The following CMIP variants were observed in gnomAD, a reference collection of about 807,000 sequenced individuals.
The protein encoded by CMIP is c-Maf inducing protein.
A neutral mutation model predicts 97.3 loss-of-function variants in CMIP; 13 were observed. That is an observed-to-expected ratio of 0.13 (90% CI 0.09 to 0.21). The LOEUF is 0.21. Among genes scored for constraint, CMIP ranks in the 10% least tolerant of loss-of-function variants. The probability of loss-of-function intolerance (pLI) is 1.00; values close to 1 mark genes in which losing one functional copy is unlikely to be tolerated. For missense variants in CMIP, 847 were observed against 1,024.9 expected (o/e 0.83, Z 2.37); for synonymous variants, 538 against 436.3 (o/e 1.23, Z -2.91).
At chr16:81,538,800 C>T (rs931318078) in intron 1 of CMIP, among the ~76,000 whole-genome samples, 6 of 151,838 alleles carry the variant, frequency 4.0e-5, no homozygotes, top group South Asian at 2.1e-4. Flanking sequence ...ATGATCTTCT[C>T]GGGCAATAAT....
In CMIP at chr16:81,620,866, G is replaced by C. The variant is rs1284859183; in HGVS notation, c.427-10G>C. 9.9e-6 allele frequency: 16 copies of C among 1,613,826 alleles called. No individual in the cohort carries two copies. The highest frequency in any genetic ancestry group is 1.4e-5 in the Non-Finnish European group (16 of 1,179,868). ...GACCGGACCTTGCTGTCCTGTTCTTGTCGTTACAGGCTGCCAATAGCTACC... is the reference window on the plus strand; with the variant it reads ...GACCGGACCTTGCTGTCCTGTTCTTCTCGTTACAGGCTGCCAATAGCTACC... On this transcript the variant is annotated splice_polypyrimidine_tract_variant and intron_variant, in intron 2 of 20. Transcript: ENST00000537098.
chr16:81,688,826 A>T (rs1292124897), intron 10 of CMIP, among the ~76,000 whole-genome samples: 1 of 152,112 alleles, frequency 6.6e-6, no homozygotes, highest in Non-Finnish European at 1.5e-5. Context: ...ACCCCACAAC[A>T]GGCCCCGGTG....
At chr16:81,685,532 T>TA (rs974435162) in intron 10 of CMIP, among the ~76,000 whole-genome samples, 25 of 150,970 alleles carry the variant, frequency 1.7e-4, no homozygotes, top group South Asian at 4.2e-4. Flanking sequence ...ATTTTTAAAG[T>TA]AAAAAAAAAC....
chr16:81,515,345 C>T (rs779661738), intron 1 of CMIP, among the ~76,000 whole-genome samples: 1 of 152,188 alleles, frequency 6.6e-6, no homozygotes, highest in Admixed American at 6.5e-5. Context: ...GTTGTGGTCC[C>T]TCACGCTTCT....
At chr16:81,709,146 A>G (rs1282839129) in intron 20 of CMIP, among the ~76,000 whole-genome samples, 1 of 152,222 alleles carries the variant, frequency 6.6e-6, no homozygotes, top group Non-Finnish European at 1.5e-5. Flanking sequence ...CGAGTAATGC[A>G]TCCAGCCTAG....
At chr16:81,500,697 C>G (rs1029978063) in intron 1 of CMIP, among the ~76,000 whole-genome samples, 3 of 151,912 alleles carry the variant, frequency 2.0e-5, no homozygotes, top group African/African-American at 7.3e-5. Context: ...CCATATTGGC[C>G]AGGCTGATCT....
chr16:81,481,085 C>G (rs1908232353), intron 1 of CMIP, among the ~76,000 whole-genome samples: 1 of 152,230 alleles, frequency 6.6e-6, no homozygotes, highest in South Asian at 2.1e-4. Flanking sequence ...CTCAGCTGCA[C>G]ATGGTTTGTC....
intron 1 of CMIP, among the ~76,000 whole-genome samples, chr16:81,527,369 G>GA (rs150954293): frequency 0.039 from 5,979 of 152,180 alleles, 175 homozygotes; most frequent in African/African-American, 0.081. Flanking sequence ...CTAGATACCA[G>GA]AAAAAAACAC....
intron 1 of CMIP, among the ~76,000 whole-genome samples, chr16:81,524,573 A>C (rs1292095152): frequency 1.3e-5 from 2 of 152,238 alleles, no homozygotes; most frequent in Non-Finnish European, 2.9e-5. Context: ...AAGGTATGGC[A>C]GCTGCAGCCA....
intron 1 of CMIP, among the ~76,000 whole-genome samples, chr16:81,493,646 G>A (rs1189593501): frequency 1.3e-5 from 2 of 152,190 alleles, no homozygotes; most frequent in African/African-American, 2.4e-5. Flanking sequence ...CCCACTCTCC[G>A]CATGGGAAAA....
At chr16:81,509,768 C>T (rs955007597) in intron 1 of CMIP, among the ~76,000 whole-genome samples, 1 of 152,166 alleles carries the variant, frequency 6.6e-6, no homozygotes, top group African/African-American at 2.4e-5. Context: ...AGCTGCACAT[C>T]CTTGGGGCTG....
intron 1 of CMIP, among the ~76,000 whole-genome samples, chr16:81,568,770 G>T (rs570912939): frequency 6.6e-6 from 1 of 152,214 alleles, no homozygotes; most frequent in Admixed American, 6.5e-5. Flanking sequence ...ACCCTTGAGC[G>T]TGGAAAAGCA....
At chr16:81,521,607 G>A (rs887358696) in intron 1 of CMIP, among the ~76,000 whole-genome samples, 4 of 152,158 alleles carry the variant, frequency 2.6e-5, no homozygotes, top group East Asian at 1.9e-4. Context: ...CTAGCAGGTC[G>A]AGTCTGTGCG....
chr16:81,663,527 C>T (rs1329600900), intron 6 of CMIP, among the ~76,000 whole-genome samples: 1 of 152,050 alleles, frequency 6.6e-6, no homozygotes, highest in Non-Finnish European at 1.5e-5. Context: ...GGGCGTGAAA[C>T]GACTTCCTAT....
intron 1 of CMIP, among the ~76,000 whole-genome samples, chr16:81,513,414 A>T (rs924937417): frequency 6.6e-6 from 1 of 152,222 alleles, no homozygotes. Context: ...CTGTTGAGTG[A>T]ATGACAGGAC....
chr16:81,614,246 C>G lies in CMIP; in HGVS notation c.426+6554C>G, dbSNP rs758767459. Among the ~76,000 whole-genome samples the G allele has an allele frequency of 7.9e-5, 12 of 152,312 alleles. No homozygotes were observed. The Middle Eastern group carries it at 0.017, about 216-fold the overall frequency. On this transcript the variant is annotated intron_variant, in intron 2 of 20. Coordinates refer to ENST00000537098, the MANE Select transcript of CMIP (RefSeq NM_198390.3). The surrounding 1 kb of genome is among the most constrained non-coding windows in gnomAD (Gnocchi z 5.3). ...GAAGCCAGTCTGAGAGCAGGGCAGG[C>G]CAGGTGCTGCCACAGTCACCAGCGA...
chr16:81,489,676 G>GC (rs2089375031), intron 1 of CMIP, among the ~76,000 whole-genome samples: 1 of 152,176 alleles, frequency 6.6e-6, no homozygotes, highest in Admixed American at 6.5e-5. Flanking sequence ...GTTTTATGGA[G>GC]CCCCCCTCCC....
chr16:81,602,642 A>G (rs2091677180), intron 1 of CMIP, among the ~76,000 whole-genome samples: 1 of 152,092 alleles, frequency 6.6e-6, no homozygotes, highest in South Asian at 2.1e-4. Context: ...AGTTTTGTTT[A>G]TTTCAGGATG....
chr16:81,522,695 C>T (rs377549623), intron 1 of CMIP, among the ~76,000 whole-genome samples: 11 of 152,108 alleles, frequency 7.2e-5, no homozygotes, highest in South Asian at 2.1e-4. Flanking sequence ...GCATTTCTAC[C>T]GCCCCGACTA....
Sources: allele counts gnomAD v4.1 joint callset (sites outside exome capture counted in the v4.1 genomes callset), GRCh38; gene constraint gnomAD v4.1.1; non-coding constraint Gnocchi (gnomAD v3.1); transcripts MANE v1.5; gene names NCBI Gene and HGNC (gene_info 2026-07-23, HGNC 2026-07-21).